MYO1E: variants seen among roughly 807,000 people sequenced by gnomAD.
MYO1E encodes myosin IE.
MYO1E carries 68 observed loss-of-function variants against 151.1 expected under a neutral mutation model. The ratio of observed to expected loss-of-function variants is 0.45; its 90% CI spans 0.37 to 0.55. The LOEUF (loss-of-function observed/expected upper bound fraction) is 0.55, where lower values mean the gene tolerates loss of function less well. Among genes scored for constraint, MYO1E ranks in the 20% least tolerant of loss-of-function variants. The pLI, the probability that MYO1E is intolerant of heterozygous loss-of-function variation, is 0.00. For missense variants in MYO1E, 1,363 were observed against 1,389.3 expected, an observed-to-expected ratio of 0.98 and a Z score of 0.30; for synonymous variants, 601 against 501.7, an observed-to-expected ratio of 1.20 and a Z score of -2.64.
intron 4 of MYO1E, among the ~76,000 whole-genome samples, chr15:59,246,104 T>C (rs1350457768): frequency 2.6e-5 from 4 of 152,150 alleles, no homozygotes; most frequent in Non-Finnish European, 4.4e-5. Flanking sequence ...TTTTTTTAAA[T>C]TTTTTAAATT....
At chr15:59,290,894 TATCTC>T (rs1409796890) in intron 1 of MYO1E, among the ~76,000 whole-genome samples, 3 of 152,152 alleles carry the variant, frequency 2.0e-5, no homozygotes, top group African/African-American at 7.2e-5. Flanking sequence ...ACACACAAAT[TATCTC>T]AAAGCAGTAA....
chr15:59,192,765 T>C (rs1374527057), intron 17 of MYO1E, among the ~76,000 whole-genome samples: 1 of 152,204 alleles, frequency 6.6e-6, no homozygotes, highest in Non-Finnish European at 1.5e-5. Context: ...ATTTCTAAGG[T>C]TGACTAAAGA....
chr15:59,234,463 G>A (rs772154967), intron 5 of MYO1E, among the ~76,000 whole-genome samples: 4 of 152,024 alleles, frequency 2.6e-5, no homozygotes, highest in Admixed American at 1.3e-4. Flanking sequence ...AAACTCAAAG[G>A]AGGAATGTTT....
intron 16 of MYO1E, among the ~76,000 whole-genome samples, chr15:59,200,087 C>T (rs2079791698): frequency 6.6e-6 from 1 of 152,158 alleles, no homozygotes; most frequent in African/African-American, 2.4e-5. Flanking sequence ...ACAATGGTGG[C>T]ACTTTGAGCC....
intron 26 of MYO1E, among the ~76,000 whole-genome samples, chr15:59,149,006 G>A (rs2079458236): frequency 6.6e-6 from 1 of 150,762 alleles, no homozygotes; most frequent in African/African-American, 2.4e-5. Flanking sequence ...ACACTGGATA[G>A]TGAGATCAGA....
chr15:59,322,639 T>C (rs1325938309), intron 1 of MYO1E, among the ~76,000 whole-genome samples: 2 of 152,302 alleles, frequency 1.3e-5, no homozygotes, highest in South Asian at 2.1e-4. Context: ...TACCTGGCTA[T>C]TTTAAAAGCA....
intron 1 of MYO1E, among the ~76,000 whole-genome samples, chr15:59,282,824 C>A (rs1280933677): frequency 2.6e-4 from 34 of 128,824 alleles, no homozygotes; most frequent in Non-Finnish European, 2.3e-4. Context: ...CTACAGCCTG[C>A]GTAACAGAGC....
At chr15:59,329,418 T>C (rs746894982) in intron 1 of MYO1E, among the ~76,000 whole-genome samples, 3 of 152,214 alleles carry the variant, frequency 2.0e-5, no homozygotes, top group Non-Finnish European at 4.4e-5. Flanking sequence ...TCCAGTTCAT[T>C]AGGTACCCAA....
chr15:59,354,807 T>C (rs991606276), intron 1 of MYO1E, among the ~76,000 whole-genome samples: 2 of 152,050 alleles, frequency 1.3e-5, no homozygotes, highest in Admixed American at 1.3e-4. Context: ...GGGGCGTTAG[T>C]AGGAAAGGAG....
At chr15:59,266,728 A>C (rs4775143) in intron 2 of MYO1E, 146,226 of 148,664 alleles carry the variant, frequency 0.98, 71,957 homozygotes, top group East Asian at 1. Context: ...GTGGTGTGAT[A>C]TTGGCTCATT....
At chr15:59,273,098 G>A (rs1341614618) in intron 1 of MYO1E, among the ~76,000 whole-genome samples, 9 of 152,214 alleles carry the variant, frequency 5.9e-5, no homozygotes, top group Non-Finnish European at 1.2e-4. Context: ...CAATAACGAG[G>A]ATGTGGACAG....
chr15:59,203,220 A>G (rs2079812743), intron 15 of MYO1E, among the ~76,000 whole-genome samples: 3 of 152,090 alleles, frequency 2.0e-5, no homozygotes, highest in Admixed American at 2.0e-4. Context: ...CCTCTTCTAC[A>G]TATTGTGGGA....
intron 2 of MYO1E, among the ~76,000 whole-genome samples, chr15:59,271,808 T>C (rs2140381897): frequency 1.3e-5 from 2 of 152,370 alleles, no homozygotes; most frequent in South Asian, 2.1e-4. Context: ...GGATGCATTA[T>C]TGATAGAACT....
At chr15:59,195,825 T>C (rs564009192) in intron 16 of MYO1E, among the ~76,000 whole-genome samples, 50 of 152,246 alleles carry the variant, frequency 3.3e-4, no homozygotes, top group Admixed American at 1.4e-3. Context: ...GTTAATAAAA[T>C]AGAACAACAA....
intron 7 of MYO1E, among the ~76,000 whole-genome samples, chr15:59,226,828 A>G (rs773959202): frequency 6.6e-6 from 1 of 152,202 alleles, no homozygotes; most frequent in Non-Finnish European, 1.5e-5. Flanking sequence ...TAAATAAAAT[A>G]AAAGTAGCTG....
Position 59,223,046 on chromosome 15 carries a change from C to T in MYO1E, c.910+13G>A, listed in dbSNP as rs775608687. On this transcript the variant is annotated intron_variant, in intron 9 of 27. Coordinates refer to ENST00000288235, the MANE Select transcript of MYO1E (RefSeq NM_004998.4). ...CACCCCTCATTCAATGGCCACATGC[C>T]AGGGCTACGCACACTCTTCACTCTC... 1.1e-4 allele frequency: 176 copies of T among 1,613,614 alleles called. No individual in the cohort carries two copies. The highest frequency in any genetic ancestry group is 1.4e-4 in the Non-Finnish European group (171 of 1,180,012).
chr15:59,332,969 TA>T (rs1240505571), intron 1 of MYO1E, among the ~76,000 whole-genome samples: 1 of 152,122 alleles, frequency 6.6e-6, no homozygotes, highest in African/African-American at 2.4e-5. Context: ...CTCTCCATCT[TA>T]AAAAAGGAGT....
intron 1 of MYO1E, among the ~76,000 whole-genome samples, chr15:59,288,254 C>T (rs1427151011): frequency 2.0e-5 from 3 of 152,202 alleles, no homozygotes; most frequent in Admixed American, 6.5e-5. Flanking sequence ...CAGCTCACTG[C>T]AGCCTGGGCC....
intron 4 of MYO1E, among the ~76,000 whole-genome samples, chr15:59,241,896 G>A (rs1371125887): frequency 6.7e-6 from 1 of 149,366 alleles, no homozygotes; most frequent in Non-Finnish European, 1.5e-5. Flanking sequence ...TCCAGCCTGG[G>A]TAACAAAGTG....
Sources: gnomAD v4.1 joint callset for allele counts (sites outside exome capture counted in the v4.1 genomes callset) on GRCh38, gnomAD v4.1.1 for gene constraint, MANE v1.5 for transcripts, NCBI Gene and HGNC (gene_info 2026-07-23, HGNC 2026-07-21) for gene names.